The following FRMD3 variants were observed in gnomAD, a reference collection of about 807,000 sequenced individuals.
FRMD3 encodes the protein FERM domain-containing protein 3.
A neutral mutation model predicts 70.2 loss-of-function variants in FRMD3; 33 were observed. The observed-to-expected ratio is 0.47, with a 90% CI of 0.36 to 0.63. The LOEUF (loss-of-function observed/expected upper bound fraction) is 0.63. FRMD3 is among the 20% of genes least tolerant of loss of function. The pLI is 0.00. For missense variants in FRMD3, 632 were observed against 711.4 expected (o/e 0.89, Z 1.27); for synonymous variants, 279 against 255.9 (o/e 1.09, Z -0.86).
At chr9:83,569,170 G>C in the FRMD3 span, among the ~76,000 whole-genome samples, 1 of 152,160 alleles carries the variant, frequency 6.6e-6, no homozygotes, top group Non-Finnish European at 1.5e-5. Flanking sequence ...TAGCCTGAAT[G>C]CTCCAGAGAC....
chr9:83,568,955 G>GATAGATAC, the FRMD3 span, among the ~76,000 whole-genome samples: 957 of 130,808 alleles, frequency 7.3e-3, 18 homozygotes, highest in African/African-American at 0.023. Context: ...TAGATAGATA[G>GATAGATAC]ATACATACAT....
chr9:83,299,225 G>C, intron 10 of FRMD3, 39 bp from the exon 11 acceptor site: 2 of 1,366,600 alleles, frequency 1.5e-6, no homozygotes, highest in South Asian at 1.2e-5. Context: ...TAGGACATTG[G>C]AAAGTCCACT....
chr9:83,341,159 G>A (rs374676901), intron 5 of FRMD3, among the ~76,000 whole-genome samples: 1 of 152,122 alleles, frequency 6.6e-6, no homozygotes, highest in South Asian at 2.1e-4. Context: ...GTACTCACCC[G>A]AGAATCAGAC....
At chr9:83,283,264 T>C (rs924657927) in intron 13 of FRMD3, among the ~76,000 whole-genome samples, 2 of 151,816 alleles carry the variant, frequency 1.3e-5, no homozygotes, top group Admixed American at 6.6e-5. Context: ...GGCGCGGTGG[T>C]TCACGCCTGT....
At chr9:83,525,542 T>C (rs1829667747) in intron 1 of FRMD3, among the ~76,000 whole-genome samples, 1 of 152,222 alleles carries the variant, frequency 6.6e-6, no homozygotes, top group Non-Finnish European at 1.5e-5. Context: ...ATATAACATG[T>C]TTAATTTTGT....
At chr9:83,562,855 T>C in the FRMD3 span, among the ~76,000 whole-genome samples, 1 of 152,160 alleles carries the variant, frequency 6.6e-6, no homozygotes, top group East Asian at 1.9e-4. Flanking sequence ...TCTAAGTTCC[T>C]TGAGGACAGA....
Position 83,440,836 on chromosome 9 carries a change from T to C in FRMD3, c.148-51128A>G, listed in dbSNP as rs967974380. 5.9e-5 allele frequency among the ~76,000 whole-genome samples: 9 copies of C among 152,294 alleles called. 1 individual carries two copies. The South Asian group carries it at 1.5e-3, about 25-fold the overall frequency. On this transcript the variant is annotated intron_variant, in intron 1 of 13. Transcript: ENST00000304195. ...GATTACAGATGGTATATGTGAGGCA[T>C]GTAACGCAGAGTCTGACGCCAGGAG...
At chr9:83,484,591 T>C (rs1828643977) in intron 1 of FRMD3, among the ~76,000 whole-genome samples, 1 of 152,086 alleles carries the variant, frequency 6.6e-6, no homozygotes, top group African/African-American at 2.4e-5. Flanking sequence ...CTAAATTTTT[T>C]ATTTTTAGTA....
intron 1 of FRMD3, among the ~76,000 whole-genome samples, chr9:83,462,460 A>G (rs535664970): frequency 1.3e-5 from 2 of 152,146 alleles, no homozygotes; most frequent in Non-Finnish European, 2.9e-5. Flanking sequence ...TGATACCTTT[A>G]GGGTCCCATG....
At chr9:83,311,395 T>C (rs1286654106) in intron 8 of FRMD3, among the ~76,000 whole-genome samples, 1 of 152,188 alleles carries the variant, frequency 6.6e-6, no homozygotes, top group Non-Finnish European at 1.5e-5. Context: ...GTGAGCTGAT[T>C]AGTCCTCTTA....
chr9:83,275,466 A>T (rs1247673105), intron 13 of FRMD3, among the ~76,000 whole-genome samples: 1 of 152,186 alleles, frequency 6.6e-6, no homozygotes, highest in African/African-American at 2.4e-5. Context: ...CACTAATTTC[A>T]CAAGTCATTG....
intron 1 of FRMD3, among the ~76,000 whole-genome samples, chr9:83,445,664 G>T (rs1023148778): frequency 6.6e-6 from 1 of 152,182 alleles, no homozygotes; most frequent in Non-Finnish European, 1.5e-5. Context: ...CACAGGTGTG[G>T]ATTTAGGAAA....
At chr9:83,433,812 GGT>G (rs1343389061) in intron 1 of FRMD3, among the ~76,000 whole-genome samples, 1 of 152,196 alleles carries the variant, frequency 6.6e-6, no homozygotes, top group Non-Finnish European at 1.5e-5. Flanking sequence ...TGATCTGACA[GGT>G]GGCAGAGCTC....
At chr9:83,476,669 G>A (rs928718797) in intron 1 of FRMD3, among the ~76,000 whole-genome samples, 10 of 152,184 alleles carry the variant, frequency 6.6e-5, no homozygotes, top group Non-Finnish European at 1.0e-4. Flanking sequence ...GGAAAGAAGG[G>A]TCAATAAACT....
chr9:83,344,801 G>A (rs1823895217), intron 4 of FRMD3, among the ~76,000 whole-genome samples: 1 of 147,704 alleles, frequency 6.8e-6, no homozygotes, highest in Non-Finnish European at 1.5e-5. Context: ...ATGAAAGGGT[G>A]TGTGTGCATG....
intron 1 of FRMD3, among the ~76,000 whole-genome samples, chr9:83,485,758 C>G (rs892786381): frequency 2.0e-5 from 3 of 152,132 alleles, no homozygotes; most frequent in African/African-American, 7.2e-5. Flanking sequence ...TCTGAAGACC[C>G]AACTTTCAAC....
At chr9:83,284,424 G>A (rs1466714139) in intron 13 of FRMD3, among the ~76,000 whole-genome samples, 3 of 152,062 alleles carry the variant, frequency 2.0e-5, no homozygotes, top group Non-Finnish European at 4.4e-5. Flanking sequence ...CCTGGCCAAC[G>A]TGGTGAAACC....
At chr9:83,542,270 A>G (rs886533854), upstream of FRMD3, among the ~76,000 whole-genome samples, 1 of 152,256 alleles carries the variant, frequency 6.6e-6, no homozygotes, top group Admixed American at 6.5e-5. Context: ...CCACAAATAG[A>G]TAACAGGTGG....
intron 7 of FRMD3, 67 bp from the exon 8 acceptor site, chr9:83,312,042 C>G: frequency 1.6e-5 from 19 of 1,190,920 alleles, no homozygotes; most frequent in Non-Finnish European, 2.2e-5. Context: ...AAATGATAAC[C>G]AATATATTTA....
Sources: allele counts gnomAD v4.1 joint callset (sites outside exome capture counted in the v4.1 genomes callset), GRCh38; gene constraint gnomAD v4.1.1; transcripts MANE v1.5; gene names NCBI Gene and HGNC (gene_info 2026-07-23, HGNC 2026-07-21).